ZNF827: variants seen among roughly 807,000 people sequenced by gnomAD.
The protein encoded by ZNF827 is zinc finger protein 827.
A neutral mutation model predicts 102.4 loss-of-function variants in ZNF827; 13 were observed. That is an observed-to-expected ratio of 0.13 (90% confidence interval 0.08 to 0.20). The LOEUF is 0.20. Among genes scored for constraint, ZNF827 ranks in the 10% least tolerant of loss-of-function variants. The pLI, the probability that ZNF827 is intolerant of heterozygous loss-of-function variation, is 1.00. For missense variants in ZNF827, 1,103 were observed against 1,344.4 expected (o/e 0.82, Z 2.81); for synonymous variants, 523 against 536.2 (o/e 0.98, Z 0.34).
intron 5 of ZNF827, among the ~76,000 whole-genome samples, chr4:145,860,039 C>G (rs1747548757): frequency 6.6e-6 from 1 of 152,172 alleles, no homozygotes; most frequent in Admixed American, 6.5e-5. Flanking sequence ...CAGCTTTCTT[C>G]TTTCTTCTTC....
rs770436684 is a variant in ZNF827, at chr4:145,870,262, A to C, written c.1964T>G (p.Leu655Arg). ...RDVSVKAASE[L>R]LMKLSAESYK... The stretch of plus-strand genomic sequence containing the variant: ...TCAAGTACCTGAGAGTTTCATGAGA[A>C]GTTCAGAGGCTGCTTTGACTGACAC... Residue 655 changes from leucine (L) to arginine (R), a missense_variant, in exon 5 of 15, where the codon CTT (leucine) becomes CGT (arginine). Transcript: ENST00000508784. 1 of 1,613,746 alleles carries C rather than the reference A, an allele frequency of 6.2e-7. No homozygotes were observed. Among genetic ancestry groups the C allele is most frequent in the Non-Finnish European group, 8.5e-7 (1 of 1,179,816 alleles).
intron 8 of ZNF827, among the ~76,000 whole-genome samples, chr4:145,784,582 A>G (rs1214857196): frequency 6.6e-6 from 1 of 152,160 alleles, no homozygotes; most frequent in African/African-American, 2.4e-5. Context: ...AAAACCTTAA[A>G]ACTTCTTTTA....
chr4:145,929,062 C>G (rs1753628972), intron 1 of ZNF827, among the ~76,000 whole-genome samples: 1 of 152,210 alleles, frequency 6.6e-6, no homozygotes, highest in South Asian at 2.1e-4. Context: ...AATGTTGTCT[C>G]AAGTTTTTAA....
intron 8 of ZNF827, among the ~76,000 whole-genome samples, chr4:145,822,591 T>C (rs1394415225): frequency 6.6e-6 from 1 of 151,746 alleles, no homozygotes; most frequent in Non-Finnish European, 1.5e-5. Context: ...TGAATGTGGA[T>C]GGAGGCTACC....
intron 4 of ZNF827, among the ~76,000 whole-genome samples, chr4:145,884,896 T>C (rs773719634): frequency 1.3e-5 from 2 of 152,148 alleles, no homozygotes; most frequent in Non-Finnish European, 2.9e-5. Context: ...CCACTTTATA[T>C]GAGGTCCCTA....
chr4:145,766,261 A>G (rs149886885), intron 11 of ZNF827, among the ~76,000 whole-genome samples: 55 of 152,292 alleles, frequency 3.6e-4, no homozygotes, highest in African/African-American at 1.2e-3. Flanking sequence ...GCCAGATACA[A>G]ACAAGTCAGC....
At chr4:145,784,610 C>A (rs1013963830) in intron 8 of ZNF827, among the ~76,000 whole-genome samples, 1 of 152,114 alleles carries the variant, frequency 6.6e-6, no homozygotes, top group African/African-American at 2.4e-5. Context: ...CAGGAATTTC[C>A]TTTAAAAAAA....
At chr4:145,790,764 A>G (rs905969787) in intron 8 of ZNF827, among the ~76,000 whole-genome samples, 2 of 152,338 alleles carry the variant, frequency 1.3e-5, no homozygotes, top group South Asian at 4.1e-4. Flanking sequence ...GTGTGACTAC[A>G]TCCAGTTTCA....
intron 8 of ZNF827, among the ~76,000 whole-genome samples, chr4:145,812,060 G>A (rs1742070846): frequency 6.6e-6 from 1 of 151,586 alleles, no homozygotes; most frequent in Non-Finnish European, 1.5e-5. Context: ...GACTACAGGT[G>A]TGTGCCACTG....
intron 8 of ZNF827, among the ~76,000 whole-genome samples, chr4:145,786,551 A>G (rs1738896365): frequency 6.6e-6 from 1 of 152,178 alleles, no homozygotes; most frequent in African/African-American, 2.4e-5. Context: ...CCTCAAACTG[A>G]AATTCTGAAA....
chr4:145,858,012 A>T (rs988640895), intron 5 of ZNF827, among the ~76,000 whole-genome samples: 3 of 152,224 alleles, frequency 2.0e-5, no homozygotes, highest in African/African-American at 7.2e-5. Flanking sequence ...CCTTAAAGCT[A>T]TTTAACATTA....
chr4:145,823,397 A>T, intron 8 of ZNF827, 25 bp downstream of exon 8: 1 of 1,587,638 alleles, frequency 6.3e-7, no homozygotes. Context: ...CAACAGTAGA[A>T]GCAAAGCCAA....
At chr4:145,905,336 T>C (rs938415536) in intron 1 of ZNF827, among the ~76,000 whole-genome samples, 3 of 152,228 alleles carry the variant, frequency 2.0e-5, no homozygotes, top group African/African-American at 7.2e-5. Flanking sequence ...AATACATTGA[T>C]CTTCCCATGC....
chr4:145,859,209 G>A (rs542904584), intron 5 of ZNF827, among the ~76,000 whole-genome samples: 1 of 152,144 alleles, frequency 6.6e-6, no homozygotes, highest in African/African-American at 2.4e-5. Context: ...GGAAGGGAAC[G>A]TAGGCTCCAT....
At position 145,805,651 on chromosome 4, in the gene ZNF827, T is replaced by C. The variant is rs112390643; in HGVS notation, c.2383+17771A>G. On this transcript the variant is annotated intron_variant, in intron 8 of 14. Coordinates refer to ENST00000508784, the MANE Select transcript of ZNF827 (RefSeq NM_001306215.2). ...AAAGAGTTAAATGGAAGTAAGATCA[T>C]GTCACTTTTCTGCTCAAAGCATTCC... Among the ~76,000 whole-genome samples the C allele has an allele frequency of 2.8e-3, 432 of 152,314 alleles. 2 individuals carry two copies. Among genetic ancestry groups the C allele is most frequent in the African/African-American group, 9.2e-3 (381 of 41,548 alleles).
At chr4:145,784,887 CTT>C (rs1336423847) in intron 8 of ZNF827, among the ~76,000 whole-genome samples, 1 of 152,132 alleles carries the variant, frequency 6.6e-6, no homozygotes, top group South Asian at 2.1e-4. Flanking sequence ...GATTTTGTCT[CTT>C]ATAAAGCATT....
chr4:145,790,479 A>C (rs1739516220), intron 8 of ZNF827, among the ~76,000 whole-genome samples: 2 of 152,208 alleles, frequency 1.3e-5, no homozygotes, highest in African/African-American at 4.8e-5. Context: ...TTTACTCCTG[A>C]AATGTTGCAA....
intron 1 of ZNF827, among the ~76,000 whole-genome samples, chr4:145,916,230 G>A (rs1752654770): frequency 6.6e-6 from 1 of 152,192 alleles, no homozygotes; most frequent in Admixed American, 6.5e-5. Flanking sequence ...CTCTGCCTGG[G>A]CCCCCAGGCG....
intron 3 of ZNF827, 95 bp downstream of exon 3, chr4:145,892,148 C>T: frequency 3.9e-6 from 5 of 1,268,926 alleles, no homozygotes; most frequent in Non-Finnish European, 4.3e-6. Context: ...CAGTGAGGCG[C>T]CCTCCCTCGG....
Sources: gnomAD v4.1 joint callset for allele counts (sites outside exome capture counted in the v4.1 genomes callset) on GRCh38, gnomAD v4.1.1 for gene constraint, MANE v1.5 for transcripts, NCBI Gene and HGNC (gene_info 2026-07-23, HGNC 2026-07-21) for gene names.